The following BTBD9 variants were observed in gnomAD, a reference collection of about 807,000 sequenced individuals.
BTBD9 encodes the protein BTB domain containing 9.
BTBD9 carries 49 observed loss-of-function variants against 64.3 expected under a neutral mutation model. The observed-to-expected ratio is 0.76, with a 90% CI of 0.61 to 0.97. The LOEUF is 0.97. BTBD9 is among the 50% of genes least tolerant of loss of function. The probability of loss-of-function intolerance (pLI) is 0.00; values close to 1 mark genes in which losing one functional copy is unlikely to be tolerated. For synonymous variants in BTBD9, 260 were observed against 274.7 expected, an observed-to-expected ratio of 0.95 and a Z score of 0.53; for missense variants, 598 against 762.1, an observed-to-expected ratio of 0.78 and a Z score of 2.53.
chr6:38,412,186 C>G (rs990769651), intron 6 of BTBD9, among the ~76,000 whole-genome samples: 2 of 151,684 alleles, frequency 1.3e-5, no homozygotes, highest in Non-Finnish European at 2.9e-5. Flanking sequence ...AAACAAAAAA[C>G]TGAGAAAAAA....
At chr6:38,219,247 A>G (rs1582068663) in intron 9 of BTBD9, among the ~76,000 whole-genome samples, 2 of 135,178 alleles carry the variant, frequency 1.5e-5, no homozygotes, top group Non-Finnish European at 3.1e-5. Context: ...CAATTCCCCC[A>G]CCTCAGCCTC....
In BTBD9 at chr6:38,169,764, T is replaced by TCCCCCCCCCCCCCCCC. The variant is rs148610115; in HGVS notation, c.*5220_*5221insGGGGGGGGGGGGGGGG. ...GCTGCAGGGCCTCCTCCACCCCCCC[T>TCCCCCCCCCCCCCCCC]CCCCCCCGCCCATTCAGGGCTATAA... On this transcript the variant is annotated 3_prime_UTR_variant, in exon 11 of 11. Transcript: ENST00000481247. The TCCCCCCCCCCCCCCCC allele has an allele frequency of 1.3e-5, 1 of 78,140 alleles. No homozygotes were observed. The highest frequency in any genetic ancestry group is 2.8e-5 in the Non-Finnish European group (1 of 36,140). The allele number at this position is 78,140 out of a possible 1,614,324, so 4.8% of individuals were successfully genotyped here.
chr6:38,386,238 T>G (rs1766162639), intron 6 of BTBD9, among the ~76,000 whole-genome samples: 1 of 152,212 alleles, frequency 6.6e-6, no homozygotes, highest in Non-Finnish European at 1.5e-5. Context: ...TTCAGAAATC[T>G]TCATGTCAGA....
intron 10 of BTBD9, among the ~76,000 whole-genome samples, chr6:38,191,164 A>G (rs190751415): frequency 7.2e-5 from 11 of 152,298 alleles, no homozygotes; most frequent in African/African-American, 2.6e-4. Context: ...GCAAGAGGAA[A>G]AGTTCCAGGT....
At chr6:38,566,348 T>A (rs891949222) in intron 6 of BTBD9, among the ~76,000 whole-genome samples, 9 of 152,232 alleles carry the variant, frequency 5.9e-5, no homozygotes, top group African/African-American at 2.2e-4. Flanking sequence ...TTTAAAATCT[T>A]CAGTTTACTT....
chr6:38,455,500 A>G (rs1227157404), intron 6 of BTBD9, among the ~76,000 whole-genome samples: 1 of 152,198 alleles, frequency 6.6e-6, no homozygotes, highest in Non-Finnish European at 1.5e-5. Flanking sequence ...TGATATATAA[A>G]TGGAATCATA....
chr6:38,293,421 C>T (rs960436954), intron 7 of BTBD9, among the ~76,000 whole-genome samples: 2 of 152,172 alleles, frequency 1.3e-5, no homozygotes, highest in Admixed American at 1.3e-4. Flanking sequence ...TCAAACTACA[C>T]TACAAAGCTA....
intron 6 of BTBD9, among the ~76,000 whole-genome samples, chr6:38,351,562 C>T (rs924156552): frequency 1.7e-5 from 2 of 118,854 alleles, no homozygotes; most frequent in Non-Finnish European, 3.2e-5. Context: ...AGTGCAGTGG[C>T]GTGATCTCAG....
intron 9 of BTBD9, among the ~76,000 whole-genome samples, chr6:38,226,589 T>G (rs1406470874): frequency 1.3e-5 from 2 of 152,084 alleles, no homozygotes; most frequent in Non-Finnish European, 2.9e-5. Flanking sequence ...CACACACAAC[T>G]GAAGAGTAGG....
At chr6:38,186,669 A>C (rs561438393) in intron 10 of BTBD9, among the ~76,000 whole-genome samples, 1 of 152,336 alleles carries the variant, frequency 6.6e-6, no homozygotes, top group Admixed American at 6.5e-5. Flanking sequence ...ACAAAGATGA[A>C]TATGACACAG....
intron 6 of BTBD9, among the ~76,000 whole-genome samples, chr6:38,491,051 G>T (rs191555768): frequency 2.4e-4 from 36 of 152,278 alleles, no homozygotes; most frequent in African/African-American, 7.2e-4. Flanking sequence ...TGATGTAAAA[G>T]GGAAAAGCTG....
At chr6:38,413,231 T>C (rs1465168975) in intron 6 of BTBD9, among the ~76,000 whole-genome samples, 3 of 152,170 alleles carry the variant, frequency 2.0e-5, no homozygotes, top group Non-Finnish European at 4.4e-5. Flanking sequence ...TGGCTTAAAC[T>C]AGGAAAGACA....
intron 7 of BTBD9, among the ~76,000 whole-genome samples, chr6:38,311,393 T>C (rs965784124): frequency 6.6e-6 from 1 of 152,182 alleles, no homozygotes; most frequent in Admixed American, 6.5e-5. Flanking sequence ...TCCACGTTGT[T>C]GCAAATGACA....
intron 6 of BTBD9, among the ~76,000 whole-genome samples, chr6:38,402,289 T>C (rs1469464264): frequency 6.6e-6 from 1 of 151,902 alleles, no homozygotes; most frequent in Non-Finnish European, 1.5e-5. Context: ...ATAGATTCAA[T>C]GCAATCCTTT....
chr6:38,598,693 C>T (rs892858234), intron 1 of BTBD9, among the ~76,000 whole-genome samples: 15 of 151,932 alleles, frequency 9.9e-5, no homozygotes, highest in Middle Eastern at 3.4e-3. Context: ...TGAGGTGGGT[C>T]GATCACCTCA....
chr6:38,493,486 G>C lies in BTBD9; in HGVS notation c.1154+84114C>G, dbSNP rs538804695. ...ACTCATCTCCTATTTGCCAGGACTA[G>C]TGATCTCAGCACATGCTTTGTTCTT... On this transcript the variant is annotated intron_variant, in intron 6 of 10. Coordinates refer to ENST00000481247, the MANE Select transcript of BTBD9 (RefSeq NM_001099272.2). Among the ~76,000 whole-genome samples the C allele has an allele frequency of 5.3e-5, 8 of 152,354 alleles. No homozygotes were observed. In the South Asian group the frequency reaches 1.4e-3, roughly 28 times the overall value.
At chr6:38,465,355 C>T (rs1038784839) in intron 6 of BTBD9, among the ~76,000 whole-genome samples, 9 of 149,858 alleles carry the variant, frequency 6.0e-5, no homozygotes, top group African/African-American at 2.2e-4. Flanking sequence ...CGGTGGCTCA[C>T]GCCTGTAATC....
intron 9 of BTBD9, among the ~76,000 whole-genome samples, chr6:38,227,053 G>T (rs1193965721): frequency 1.3e-5 from 2 of 152,182 alleles, no homozygotes; most frequent in Non-Finnish European, 2.9e-5. Flanking sequence ...CAATGTGAGG[G>T]TTACACTTAA....
chr6:38,621,096 C>T (rs1777966638), intron 1 of BTBD9, among the ~76,000 whole-genome samples: 1 of 152,212 alleles, frequency 6.6e-6, no homozygotes, highest in South Asian at 2.1e-4. Flanking sequence ...GCTGGCCTCA[C>T]TGTTTACAGG....
Sources: allele counts gnomAD v4.1 joint callset (sites outside exome capture counted in the v4.1 genomes callset), GRCh38; gene constraint gnomAD v4.1.1; transcripts MANE v1.5; gene names NCBI Gene and HGNC (gene_info 2026-07-23, HGNC 2026-07-21).